PCNX1: variants seen among roughly 807,000 people sequenced by gnomAD.
PCNX1 encodes pecanex-like protein 1.
PCNX1 carries 78 observed loss-of-function variants against 242.2 expected under a neutral mutation model. That is an observed-to-expected ratio of 0.32 (90% CI 0.27 to 0.39). PCNX1 has a LOEUF of 0.39. Among genes scored for constraint, PCNX1 ranks in the 10% least tolerant of loss-of-function variants. The pLI is 1.00. For synonymous variants in PCNX1, 1,024 were observed against 1,032.9 expected, an observed-to-expected ratio of 0.99 and a Z score of 0.17; for missense variants, 2,581 against 2,856.5, an observed-to-expected ratio of 0.90 and a Z score of 2.20.
chr14:71,006,899 C>T (rs2059684592), intron 8 of PCNX1, among the ~76,000 whole-genome samples: 1 of 152,044 alleles, frequency 6.6e-6, no homozygotes, highest in Admixed American at 6.5e-5. Flanking sequence ...GGGACTACAC[C>T]ATGAGGCCTT....
chr14:71,036,310 T>A (rs1046856400), intron 19 of PCNX1, among the ~76,000 whole-genome samples, 153 bp downstream of exon 19: 7 of 152,092 alleles, frequency 4.6e-5, no homozygotes, highest in African/African-American at 1.7e-4. Flanking sequence ...GGACTACAGT[T>A]GTGCACCACC....
rs1274370405 is a variant in PCNX1, at chr14:71,013,109, A to T, written c.2903A>T (p.Gln968Leu). Residue 968 changes from glutamine to leucine, a missense_variant, in exon 11 of 36, where the codon CAA becomes CTA. By Grantham distance (113) the Gln-to-Leu change is moderately radical (BLOSUM62 -2). Around this residue, in one of 9 missense-constraint regions of PCNX1, gnomAD observed 1,204 missense variants for 1,216.7 expected, o/e 0.99. Coordinates refer to ENST00000304743, the MANE Select transcript of PCNX1 (RefSeq NM_014982.3). ...ATYGPTEEAA[Q>L]KVKHYYRFWI... ...TACGGCCCAACAGAAGAAGCTGCCCAAAAGGTTAAACACTATTATCGCTTT... is the reference window on the plus strand; with the variant it reads ...TACGGCCCAACAGAAGAAGCTGCCCTAAAGGTTAAACACTATTATCGCTTT... The T allele has an allele frequency of 6.2e-7, 1 of 1,614,172 alleles. No homozygotes were observed. Among genetic ancestry groups the T allele is most frequent in the Non-Finnish European group, 8.5e-7 (1 of 1,180,016 alleles).
chr14:70,971,605 T>C (rs970761250), intron 5 of PCNX1, among the ~76,000 whole-genome samples: 3 of 152,200 alleles, frequency 2.0e-5, no homozygotes, highest in African/African-American at 7.2e-5. Context: ...ACTATTAATA[T>C]GGAATCATAC....
At chr14:71,015,176 G>A (rs1011549874) in intron 11 of PCNX1, among the ~76,000 whole-genome samples, 1 of 152,282 alleles carries the variant, frequency 6.6e-6, no homozygotes, top group Admixed American at 6.5e-5. Context: ...CTTATGAGCA[G>A]ACCCACACTA....
At chr14:71,035,981 T>G in intron 18 of PCNX1, 84 bp from the exon 19 acceptor site, 1 of 925,048 alleles carries the variant, frequency 1.1e-6, no homozygotes, top group Non-Finnish European at 1.7e-6. Flanking sequence ...AAATTAATTC[T>G]TAAACTTTGC....
intron 5 of PCNX1, among the ~76,000 whole-genome samples, chr14:70,973,176 C>T (rs1264889305): frequency 1.3e-5 from 2 of 150,504 alleles, no homozygotes; most frequent in Middle Eastern, 3.5e-3. Context: ...TTGCTTGAGC[C>T]TAGGAGATCA....
chr14:71,106,221 T>C (rs2141874318), intron 33 of PCNX1, among the ~76,000 whole-genome samples: 1 of 152,082 alleles, frequency 6.6e-6, no homozygotes, highest in Middle Eastern at 3.4e-3. Flanking sequence ...GTTTCAACCA[T>C]GTTAGCCAGA....
At chr14:70,938,328 G>A (rs1342637894) in intron 1 of PCNX1, among the ~76,000 whole-genome samples, 2 of 152,244 alleles carry the variant, frequency 1.3e-5, no homozygotes, top group Admixed American at 6.5e-5. Flanking sequence ...TTTATTGAGA[G>A]TTTTTAGCAT....
intron 1 of PCNX1, among the ~76,000 whole-genome samples, chr14:70,933,006 A>C (rs940201017): frequency 6.6e-6 from 1 of 152,160 alleles, no homozygotes; most frequent in Non-Finnish European, 1.5e-5. Flanking sequence ...AAACTGATAC[A>C]TTTTCTCACT....
intron 1 of PCNX1, among the ~76,000 whole-genome samples, chr14:70,933,945 A>G (rs1285890503): frequency 2.0e-5 from 3 of 152,226 alleles, no homozygotes; most frequent in Non-Finnish European, 4.4e-5. Flanking sequence ...GGCTTTGGCT[A>G]CAATGTACTT....
intron 2 of PCNX1, among the ~76,000 whole-genome samples, chr14:70,949,486 A>G (rs533710857): frequency 1.2e-3 from 182 of 152,136 alleles, no homozygotes; most frequent in Middle Eastern, 3.4e-3. Context: ...ATATACACAC[A>G]CACCTTAAGC....
At chr14:71,037,446 A>G (rs1211758936) in intron 19 of PCNX1, among the ~76,000 whole-genome samples, 1 of 148,978 alleles carries the variant, frequency 6.7e-6, no homozygotes, top group Non-Finnish European at 1.5e-5. Flanking sequence ...AGCTCTTATT[A>G]TTTTGAAATA....
intron 26 of PCNX1, among the ~76,000 whole-genome samples, chr14:71,066,052 C>A (rs1486500973): frequency 6.6e-6 from 1 of 152,278 alleles, no homozygotes; most frequent in East Asian, 1.9e-4. Context: ...AGCATGATGC[C>A]TCCAGCTTTG....
Position 71,103,567 on chromosome 14 carries a change from T to G in PCNX1, c.5993T>G (p.Leu1998Arg). The change falls in exon 32 of 36, where the codon CTG becomes CGG. Residue 1998 changes from leucine to arginine, a missense_variant. By Grantham distance (102) the Leu-to-Arg change is moderately radical (BLOSUM62 -2). Coordinates refer to ENST00000304743, the MANE Select transcript of PCNX1 (RefSeq NM_014982.3). ...PIGYPIFVSP[L>R]TTSYSDSHEQ... ...GGCTACCCAATCTTTGTCTCACCCCTGACAACTTCTTACTCTGACAGCCAC... is the reference window on the plus strand; with the variant it reads ...GGCTACCCAATCTTTGTCTCACCCCGGACAACTTCTTACTCTGACAGCCAC... 1 of 1,614,160 alleles carries G rather than the reference T, an allele frequency of 6.2e-7. No homozygotes were observed. The highest frequency in any genetic ancestry group is 2.2e-5 in the East Asian group (1 of 44,884).
intron 1 of PCNX1, among the ~76,000 whole-genome samples, chr14:70,932,164 A>G (rs781363600): frequency 5.9e-5 from 9 of 152,226 alleles, no homozygotes; most frequent in Non-Finnish European, 1.2e-4. Flanking sequence ...AATAATCTAA[A>G]TAAATTTAGT....
chr14:70,983,845 G>A (rs796555788), intron 6 of PCNX1, among the ~76,000 whole-genome samples: 2 of 151,436 alleles, frequency 1.3e-5, no homozygotes, highest in Admixed American at 6.6e-5. Flanking sequence ...CAAAATCTTT[G>A]TATGTTGATG....
intron 6 of PCNX1, among the ~76,000 whole-genome samples, chr14:70,981,461 G>A (rs2058838096): frequency 6.6e-6 from 1 of 152,068 alleles, no homozygotes; most frequent in African/African-American, 2.4e-5. Flanking sequence ...TAGTGACATG[G>A]ACCTTATTTT....
At chr14:71,072,663 A>G (rs926115235) in intron 26 of PCNX1, among the ~76,000 whole-genome samples, 5 of 152,242 alleles carry the variant, frequency 3.3e-5, no homozygotes, top group Non-Finnish European at 5.9e-5. Context: ...GTGCAGCCTG[A>G]TTTCTGTACA....
intron 1 of PCNX1, among the ~76,000 whole-genome samples, chr14:70,933,424 A>G (rs2056879317): frequency 2.0e-5 from 3 of 152,352 alleles, no homozygotes; most frequent in South Asian, 4.1e-4. Context: ...TACATTTTTA[A>G]TGCTTGAAAA....
Sources: allele counts gnomAD v4.1 joint callset (sites outside exome capture counted in the v4.1 genomes callset), GRCh38; gene constraint gnomAD v4.1.1; regional missense constraint gnomAD v4.1.1; transcripts MANE v1.5; gene names NCBI Gene and HGNC (gene_info 2026-07-23, HGNC 2026-07-21).